Variants in IGF2BP2 observed in about 807,000 individuals in gnomAD.
The protein encoded by IGF2BP2 is insulin-like growth factor 2 mRNA-binding protein 2.
A neutral mutation model predicts 75.8 loss-of-function variants in IGF2BP2; 17 were observed. That is an observed-to-expected ratio of 0.22 (90% CI 0.15 to 0.34). The LOEUF (loss-of-function observed/expected upper bound fraction) is 0.34. Among genes scored for constraint, IGF2BP2 ranks in the 10% least tolerant of loss-of-function variants. IGF2BP2 has a pLI of 1.00. For synonymous variants in IGF2BP2, 288 were observed against 295.6 expected (o/e 0.97, Z 0.26); for missense variants, 516 against 772.4 (o/e 0.67, Z 3.93).
chr3:185,816,834 AT>A (rs1416796270), intron 2 of IGF2BP2, among the ~76,000 whole-genome samples: 2 of 152,230 alleles, frequency 1.3e-5, no homozygotes, highest in Admixed American at 1.3e-4. Context: ...TACTACTACC[AT>A]TGTTTAAATA....
chr3:185,677,792 T>C (rs1719782706), intron 7 of IGF2BP2, among the ~76,000 whole-genome samples: 1 of 152,048 alleles, frequency 6.6e-6, no homozygotes, highest in South Asian at 2.1e-4. Flanking sequence ...CCTAACAAAT[T>C]CTGGAGCTGA....
At chr3:185,754,048 A>G (rs1215375870) in intron 2 of IGF2BP2, among the ~76,000 whole-genome samples, 1 of 152,024 alleles carries the variant, frequency 6.6e-6, no homozygotes, top group East Asian at 1.9e-4. Context: ...TACAAAAAAA[A>G]AAATACAAAC....
chr3:185,785,915 C>T (rs1244473823), intron 2 of IGF2BP2, among the ~76,000 whole-genome samples: 2 of 152,134 alleles, frequency 1.3e-5, no homozygotes, highest in African/African-American at 4.8e-5. Context: ...TTTCATTCAA[C>T]TACAAGATAA....
chr3:185,676,565 A>C (rs1719385832), intron 7 of IGF2BP2, among the ~76,000 whole-genome samples: 1 of 151,848 alleles, frequency 6.6e-6, no homozygotes, highest in Non-Finnish European at 1.5e-5. Flanking sequence ...AGTCCTAGCT[A>C]CTTGGGAGGC....
At chr3:185,786,083 C>CT (rs35946810) in intron 2 of IGF2BP2, among the ~76,000 whole-genome samples, 28 of 149,980 alleles carry the variant, frequency 1.9e-4, no homozygotes, top group East Asian at 5.9e-4. Context: ...GCTAATTAAA[C>CT]TTTTTTTTTT....
intron 2 of IGF2BP2, among the ~76,000 whole-genome samples, chr3:185,757,457 T>C (rs1731768409): frequency 7.0e-6 from 1 of 142,024 alleles, no homozygotes; most frequent in Non-Finnish European, 1.5e-5. Flanking sequence ...CTATATCTCA[T>C]ACTTTTTTTT....
In IGF2BP2 at chr3:185,672,582, G is replaced by A. The variant is rs1718690478; in HGVS notation, c.1159C>T (p.Pro387Ser). 6.2e-7 allele frequency: 1 copy of A among 1,612,558 alleles called. No individual in the cohort carries two copies. Among genetic ancestry groups the A allele is most frequent in the African/African-American group, 1.3e-5 (1 of 75,016 alleles). ...GLSVLSPPAG[P>S]RGAPPAAPYH... Reference sequence around the variant, plus strand: ...GGGGCAGCGGGGGGAGCTCCGCGGGGCCCTGCTGGTGGAGATAGCACGGAC... The same window carrying A: ...GGGGCAGCGGGGGGAGCTCCGCGGGACCCTGCTGGTGGAGATAGCACGGAC... Residue 387 changes from proline to serine, a missense_variant, in exon 10 of 16, where the codon CCC becomes TCC. Coordinates refer to ENST00000382199, the MANE Select transcript of IGF2BP2 (RefSeq NM_006548.6).
intron 2 of IGF2BP2, 114 bp downstream of exon 2, chr3:185,823,039 C>A (rs1037289501): frequency 2.0e-5 from 12 of 597,478 alleles, no homozygotes; most frequent in South Asian, 5.8e-5. Context: ...ACTAACAAAA[C>A]AAACAAAAGC....
chr3:185,799,838 A>G (rs1385830745), intron 2 of IGF2BP2, among the ~76,000 whole-genome samples: 1 of 152,226 alleles, frequency 6.6e-6, no homozygotes, highest in Non-Finnish European at 1.5e-5. Context: ...TGGGAGTGTA[A>G]ATTAGTTCAA....
chr3:185,721,332 G>A (rs1578097782), intron 2 of IGF2BP2, among the ~76,000 whole-genome samples: 2 of 152,040 alleles, frequency 1.3e-5, no homozygotes, highest in South Asian at 4.2e-4. Flanking sequence ...CTCCCGAGTA[G>A]CTGAGATTAC....
At chr3:185,787,463 C>T (rs540605505) in intron 2 of IGF2BP2, among the ~76,000 whole-genome samples, 23 of 152,216 alleles carry the variant, frequency 1.5e-4, no homozygotes, top group African/African-American at 4.8e-4. Context: ...CCGGGCGCGG[C>T]GGCTCACGCC....
At chr3:185,650,318 C>CTTTT (rs202216226) in intron 13 of IGF2BP2, among the ~76,000 whole-genome samples, 5 of 149,686 alleles carry the variant, frequency 3.3e-5, no homozygotes, top group Non-Finnish European at 5.9e-5. Flanking sequence ...TTACAATGTT[C>CTTTT]TTTTTTTTTC....
At chr3:185,726,138 C>T (rs926746513) in intron 2 of IGF2BP2, among the ~76,000 whole-genome samples, 28 of 152,048 alleles carry the variant, frequency 1.8e-4, no homozygotes, top group African/African-American at 5.8e-4. Flanking sequence ...TATAATTTCA[C>T]GAACAAGTTT....
At chr3:185,790,577 T>G (rs1736512423) in intron 2 of IGF2BP2, among the ~76,000 whole-genome samples, 1 of 152,198 alleles carries the variant, frequency 6.6e-6, no homozygotes, top group African/African-American at 2.4e-5. Flanking sequence ...CTTCGCTGAT[T>G]TCTGTATTAT....
chr3:185,758,808 T>C (rs1342166632), intron 2 of IGF2BP2, among the ~76,000 whole-genome samples: 3 of 152,180 alleles, frequency 2.0e-5, no homozygotes, highest in Non-Finnish European at 4.4e-5. Flanking sequence ...TTAAATACAA[T>C]ACTCATCTCC....
chr3:185,794,393 GAACA>G (rs1737061009), intron 2 of IGF2BP2, among the ~76,000 whole-genome samples: 1 of 132,054 alleles, frequency 7.6e-6, no homozygotes, highest in Non-Finnish European at 1.6e-5. Flanking sequence ...CAGAATTCTA[GAACA>G]GACAGGAAGG....
intron 7 of IGF2BP2, among the ~76,000 whole-genome samples, chr3:185,682,665 CAATA>C (rs991804101): frequency 1.4e-4 from 21 of 152,130 alleles, no homozygotes; most frequent in African/African-American, 5.1e-4. Flanking sequence ...TACAAATGGC[CAATA>C]AATATATAAA....
intron 2 of IGF2BP2, among the ~76,000 whole-genome samples, chr3:185,761,063 T>C (rs1177452424): frequency 6.6e-6 from 1 of 152,240 alleles, no homozygotes; most frequent in East Asian, 1.9e-4. Context: ...TCAGACATTC[T>C]GGTACTATCT....
intron 10 of IGF2BP2, among the ~76,000 whole-genome samples, chr3:185,668,494 G>GATATATAT (rs1560258280): frequency 7.4e-5 from 9 of 121,588 alleles, no homozygotes; most frequent in African/African-American, 2.7e-4. Flanking sequence ...GTTCGAGAGA[G>GATATATAT]AGAGAGAGAG....
Sources: gnomAD v4.1 joint callset for allele counts (sites outside exome capture counted in the v4.1 genomes callset) on GRCh38, gnomAD v4.1.1 for gene constraint, MANE v1.5 for transcripts, NCBI Gene and HGNC (gene_info 2026-07-23, HGNC 2026-07-21) for gene names.